The following ATP2B2 variants were observed in gnomAD, a reference collection of about 807,000 sequenced individuals.
ATP2B2 encodes plasma membrane calcium-transporting ATPase 2.
A neutral mutation model predicts 120.0 loss-of-function variants in ATP2B2; 15 were observed. The ratio of observed to expected loss-of-function variants is 0.12; its 90% CI spans 0.08 to 0.19. The LOEUF is 0.19. Among genes scored for constraint, ATP2B2 ranks in the 10% least tolerant of loss-of-function variants. The pLI is 1.00. For missense variants in ATP2B2, 1,045 were observed against 1,719.8 expected (o/e 0.61, Z 6.94); for synonymous variants, 694 against 700.3 (o/e 0.99, Z 0.14).
chr3:10,600,143 G>T (rs2068868348), intron 2 of ATP2B2, among the ~76,000 whole-genome samples: 2 of 152,250 alleles, frequency 1.3e-5, no homozygotes, highest in Non-Finnish European at 1.5e-5. Flanking sequence ...CCCCTGCACT[G>T]CCCTCTACTA....
At chr3:10,338,028 T>C (rs1382076496) in intron 22 of ATP2B2, 148 bp downstream of exon 22, 1 of 960,788 alleles carries the variant, frequency 1.0e-6, no homozygotes, top group African/African-American at 1.6e-5. Context: ...GGTGTGCAAG[T>C]GGCTGGTGAG....
chr3:10,535,944 T>G (rs1268012425), intron 2 of ATP2B2, among the ~76,000 whole-genome samples: 2 of 152,172 alleles, frequency 1.3e-5, no homozygotes, highest in Admixed American at 1.3e-4. Flanking sequence ...ACTGTCAAAC[T>G]GTTTTCCAGT....
At chr3:10,380,033 C>T (rs1249483534) in intron 8 of ATP2B2, among the ~76,000 whole-genome samples, 4 of 152,188 alleles carry the variant, frequency 2.6e-5, no homozygotes, top group Non-Finnish European at 4.4e-5. Flanking sequence ...TGATGAAGTG[C>T]TCTGGTCCCC....
At chr3:10,488,171 AT>A in intron 1 of ATP2B2, among the ~76,000 whole-genome samples, 1 of 148,404 alleles carries the variant, frequency 6.7e-6, no homozygotes, top group South Asian at 2.2e-4. Context: ...GCATCCATCC[AT>A]CTACCCACCC....
Position 10,657,579 on chromosome 3 carries a change from T to C in ATP2B2, c.-459-37618A>G, listed in dbSNP as rs918143458. Among the ~76,000 whole-genome samples the C allele has an allele frequency of 2.0e-5, 3 of 152,032 alleles. No homozygotes were observed. The South Asian group carries it at 6.2e-4, about 32-fold the overall frequency. On this transcript the variant is annotated intron_variant, in intron 1 of 21. Coordinates refer to the ATP2B2 transcript ENST00000646379. ...GGGCCTGCCATTGCTGTGGCTTGAG[T>C]AGGTAAACAAAGCGGCCTGGAAGCT... is the stretch of plus-strand genomic sequence containing the variant.
intron 22 of ATP2B2, among the ~76,000 whole-genome samples, chr3:10,330,035 AT>A (rs1351444976): frequency 6.6e-6 from 1 of 152,098 alleles, no homozygotes; most frequent in African/African-American, 2.4e-5. Context: ...GATTTTGTTT[AT>A]TTCTTTATTT....
intron 1 of ATP2B2, among the ~76,000 whole-genome samples, chr3:10,452,922 C>T (rs940499710): frequency 6.6e-6 from 1 of 152,210 alleles, no homozygotes; most frequent in African/African-American, 2.4e-5. Context: ...ACCACCCACA[C>T]CTGCACTAAA....
At position 10,659,582 on chromosome 3, in the gene ATP2B2, C is replaced by T. The variant is rs527563614; in HGVS notation, c.-459-39621G>A. Among the ~76,000 whole-genome samples, 229 of 152,246 alleles carry T rather than the reference C, an allele frequency of 1.5e-3. 2 individuals carry two copies. The highest frequency in any genetic ancestry group is 5.2e-3 in the African/African-American group (216 of 41,536). ...TATATGCACCCAATACAGGAGCACCCAGATTCATAAAGCAAGTCCTTAGAG... is the reference window on the plus strand; with the variant it reads ...TATATGCACCCAATACAGGAGCACCTAGATTCATAAAGCAAGTCCTTAGAG... On this transcript the variant is annotated intron_variant, in intron 1 of 21. Transcript: ENST00000646379.
At chr3:10,451,324 T>C (rs1170032403) in intron 1 of ATP2B2, among the ~76,000 whole-genome samples, 1 of 152,200 alleles carries the variant, frequency 6.6e-6, no homozygotes, top group East Asian at 1.9e-4. Flanking sequence ...TATCTGGCAT[T>C]GGAGCGATTT....
At chr3:10,688,979 G>A (rs989073383) in intron 1 of ATP2B2, among the ~76,000 whole-genome samples, 1 of 152,202 alleles carries the variant, frequency 6.6e-6, no homozygotes, top group African/African-American at 2.4e-5. Flanking sequence ...CCTGGTGTGG[G>A]GGTGGGGAGG....
chr3:10,429,081 C>T (rs2063230455), intron 2 of ATP2B2, among the ~76,000 whole-genome samples: 1 of 152,152 alleles, frequency 6.6e-6, no homozygotes, highest in African/African-American at 2.4e-5. Flanking sequence ...CTTCGTCTCC[C>T]ACCCAATCTC....
chr3:10,336,255 C>A (rs749398157), intron 22 of ATP2B2: 1 of 1,550,582 alleles, frequency 6.4e-7, no homozygotes, highest in Non-Finnish European at 8.7e-7. Context: ...CTCCGCAGGG[C>A]CCCCTGAAAG....
intron 2 of ATP2B2, among the ~76,000 whole-genome samples, chr3:10,431,456 A>G (rs540832018): frequency 5.1e-4 from 78 of 152,308 alleles, no homozygotes; most frequent in African/African-American, 1.8e-3. Context: ...AACTGGCAAA[A>G]AAATGACGAC....
chr3:10,591,031 C>A (rs187463733), intron 2 of ATP2B2, among the ~76,000 whole-genome samples: 1 of 151,958 alleles, frequency 6.6e-6, no homozygotes, highest in Non-Finnish European at 1.5e-5. Context: ...GGTCTACATG[C>A]GCTTTATCTC....
chr3:10,416,613 T>C (rs1000161703), intron 2 of ATP2B2, among the ~76,000 whole-genome samples: 5 of 152,108 alleles, frequency 3.3e-5, no homozygotes, highest in African/African-American at 1.2e-4. Context: ...CCACCTCAGC[T>C]CTGTTAAGCA....
chr3:10,629,042 C>A (rs1289977912), intron 1 of ATP2B2, among the ~76,000 whole-genome samples: 2 of 152,226 alleles, frequency 1.3e-5, no homozygotes, highest in East Asian at 3.8e-4. Context: ...CTGCCTAACA[C>A]ACGGTTTTCT....
intron 2 of ATP2B2, among the ~76,000 whole-genome samples, chr3:10,580,539 C>A (rs1343507273): frequency 2.0e-5 from 3 of 152,144 alleles, no homozygotes; most frequent in Non-Finnish European, 2.9e-5. Flanking sequence ...TCCCACGATA[C>A]CCCTGCAAAA....
At chr3:10,484,777 A>G (rs1017600084) in intron 1 of ATP2B2, among the ~76,000 whole-genome samples, 5 of 152,216 alleles carry the variant, frequency 3.3e-5, no homozygotes, top group African/African-American at 1.2e-4. Context: ...ATGATATAAT[A>G]CAACCTCAAC....
chr3:10,670,582 T>C (rs999299579), intron 1 of ATP2B2, among the ~76,000 whole-genome samples: 3 of 150,408 alleles, frequency 2.0e-5, no homozygotes, highest in Non-Finnish European at 2.9e-5. Context: ...CACACCTGGC[T>C]AATTTTTTTG....
Sources: gnomAD v4.1 joint callset for allele counts (sites outside exome capture counted in the v4.1 genomes callset) on GRCh38, gnomAD v4.1.1 for gene constraint, MANE v1.5 for transcripts, NCBI Gene and HGNC (gene_info 2026-07-23, HGNC 2026-07-21) for gene names.